The following ARID1B variants were observed in gnomAD, a reference collection of about 807,000 sequenced individuals.
ARID1B encodes AT-rich interaction domain 1B.
ARID1B carries 30 observed loss-of-function variants against 212.3 expected under a neutral mutation model. The observed-to-expected ratio is 0.14, with a 90% CI of 0.11 to 0.19. ARID1B has a LOEUF of 0.19. ARID1B is among the 10% of genes least tolerant of loss of function. The pLI, the probability that ARID1B is intolerant of heterozygous loss-of-function variation, is 1.00. For missense variants in ARID1B, 2,891 were observed against 3,204.0 expected, an observed-to-expected ratio of 0.90 and a Z score of 2.36; for synonymous variants, 1,402 against 1,301.7, an observed-to-expected ratio of 1.08 and a Z score of -1.66.
At chr6:156,907,312 T>C (rs1403632035) in intron 3 of ARID1B, among the ~76,000 whole-genome samples, 1 of 152,204 alleles carries the variant, frequency 6.6e-6, no homozygotes, top group South Asian at 2.1e-4. Context: ...TTTTCATGAG[T>C]GGATACTGAA....
intron 4 of ARID1B, among the ~76,000 whole-genome samples, chr6:157,012,087 A>G (rs975700674): frequency 1.3e-5 from 2 of 152,272 alleles, no homozygotes; most frequent in African/African-American, 4.8e-5. Context: ...AATTATGATA[A>G]GATGAACACA....
intron 3 of ARID1B, 35 bp downstream of exon 3, chr6:156,901,560 T>G: frequency 6.3e-7 from 1 of 1,597,368 alleles, no homozygotes; most frequent in Non-Finnish European, 8.5e-7. Flanking sequence ...GGGCCCTGTT[T>G]TCTCCACCAA....
rs370434034 is a variant in ARID1B at position 156,883,716 on chromosome 6, ACTT to A, written c.1987-17654_1987-17652del. Among the ~76,000 whole-genome samples, 75 of 151,920 alleles carry A rather than the reference ACTT, an allele frequency of 4.9e-4. No homozygotes were observed. The South Asian group carries it at 9.8e-3, about 20-fold the overall frequency. On this transcript the variant is annotated intron_variant, in intron 2 of 19. Transcript: ENST00000636930. ...TCACCTTTCCTTGCTTTGACTCTTG[ACTT>A]CTTCTGAGAGTTGCCGGCTCCTCTG...
chr6:157,038,373 T>A (rs918632648), intron 4 of ARID1B, among the ~76,000 whole-genome samples: 3 of 152,180 alleles, frequency 2.0e-5, no homozygotes, highest in East Asian at 3.8e-4. Flanking sequence ...ACCATTTTTT[T>A]ATCCTATATG....
chr6:156,796,223 A>G (rs548054115), intron 1 of ARID1B, among the ~76,000 whole-genome samples: 39 of 152,272 alleles, frequency 2.6e-4, no homozygotes, highest in Non-Finnish European at 5.0e-4. Flanking sequence ...ATGGTAATGT[A>G]TCACTATCAG....
chr6:157,043,868 T>C (rs1012477295), intron 4 of ARID1B, among the ~76,000 whole-genome samples: 1 of 152,260 alleles, frequency 6.6e-6, no homozygotes, highest in Non-Finnish European at 1.5e-5. Flanking sequence ...ACCTGGCTTA[T>C]CTTAAATATG....
rs567719662 is a variant in ARID1B, at chr6:156,893,045, CTTTTTTTTT to C, written c.1987-8324_1987-8316del. 5.5e-4 allele frequency among the ~76,000 whole-genome samples: 47 copies of C among 85,922 alleles called. 1 individual carries two copies. The highest frequency in any genetic ancestry group is 2.2e-3 in the African/African-American group (46 of 21,324). 56.4% of individuals were successfully genotyped at this position (85,922 alleles called of 152,430 possible). A position where few individuals can be genotyped will look rare whatever the true frequency, so the allele number is the denominator to read the frequency against. ...AACTCTTTTTTTTTCTTTTTTCTTC[CTTTTTTTTT>C]TTTTTTGAGATGGAGTCTTGCCCTG... On this transcript the variant is annotated intron_variant, in intron 2 of 19. Coordinates refer to ENST00000636930, the MANE Select transcript of ARID1B (RefSeq NM_001374828.1).
chr6:156,868,815 T>C (rs1257091053), intron 2 of ARID1B, among the ~76,000 whole-genome samples: 1 of 152,272 alleles, frequency 6.6e-6, no homozygotes. Context: ...AGAACTGTTT[T>C]AAATGTTTTT....
At chr6:157,189,946 T>C in intron 14 of ARID1B, 92 bp from the exon 15 acceptor site, 3 of 1,581,552 alleles carry the variant, frequency 1.9e-6, no homozygotes, top group Non-Finnish European at 2.6e-6. Context: ...TTTTTGCATT[T>C]GCACATTTCA....
At chr6:157,080,706 A>G (rs1366485148) in intron 4 of ARID1B, among the ~76,000 whole-genome samples, 1 of 152,204 alleles carries the variant, frequency 6.6e-6, no homozygotes, top group Admixed American at 6.5e-5. Context: ...ATTTCATTCT[A>G]AGCACAGTGA....
intron 2 of ARID1B, among the ~76,000 whole-genome samples, chr6:156,855,422 T>C (rs1313087766): frequency 2.0e-5 from 3 of 152,184 alleles, no homozygotes; most frequent in African/African-American, 7.2e-5. Flanking sequence ...CACAGACGCG[T>C]GGGATGCTGA....
chr6:157,039,816 T>C (rs1562569775), intron 4 of ARID1B, among the ~76,000 whole-genome samples: 1 of 137,308 alleles, frequency 7.3e-6, no homozygotes, highest in East Asian at 2.2e-4. Flanking sequence ...CTTTCTTTCT[T>C]TTTCTCTCTT....
chr6:156,963,012 A>G (rs958911179), intron 4 of ARID1B, among the ~76,000 whole-genome samples: 1 of 151,342 alleles, frequency 6.6e-6, no homozygotes, highest in African/African-American at 2.4e-5. Flanking sequence ...CTATCTCCTG[A>G]CCTCGTGATC....
At position 157,201,878 on chromosome 6, in the gene ARID1B, T is replaced by A. The variant is rs566281895; in HGVS notation, c.5263+390T>A. Among the ~76,000 whole-genome samples the A allele has an allele frequency of 7.6e-4, 116 of 152,342 alleles. No individual in the cohort carries two copies. The highest frequency in any genetic ancestry group is 1.2e-3 in the Non-Finnish European group (85 of 68,030). The stretch of plus-strand genomic sequence containing the variant: ...CAGGGAATCCTGAGTGGTTATATGC[T>A]GTATTTTGGGCTTAAAGATTTGAAC... On this transcript the variant is annotated intron_variant, in intron 18 of 19. Transcript: ENST00000636930. The surrounding 1 kb of genome is among the most constrained non-coding windows in gnomAD (Gnocchi z 5.2).
chr6:156,817,187 C>T (rs184379326), intron 1 of ARID1B, among the ~76,000 whole-genome samples: 42 of 151,814 alleles, frequency 2.8e-4, no homozygotes, highest in Admixed American at 2.6e-3. Flanking sequence ...GAGTTCAGAC[C>T]AGCCTGGGCA....
chr6:157,018,910 T>TG (rs779136966), intron 4 of ARID1B, among the ~76,000 whole-genome samples: 11 of 151,962 alleles, frequency 7.2e-5, no homozygotes, highest in Non-Finnish European at 1.3e-4. Flanking sequence ...AGGGAAGACT[T>TG]GGAAGCATGA....
At chr6:156,866,867 A>C (rs1415694871) in intron 2 of ARID1B, among the ~76,000 whole-genome samples, 1 of 152,210 alleles carries the variant, frequency 6.6e-6, no homozygotes, top group Non-Finnish European at 1.5e-5. Context: ...ACTACTTGGA[A>C]ACGTTGAAAA....
intron 9 of ARID1B, chr6:157,173,669 A>T (rs1791876180): frequency 5.8e-6 from 1 of 172,040 alleles, no homozygotes. Flanking sequence ...ACTCCTGATT[A>T]GTAATTTAAA....
intron 4 of ARID1B, among the ~76,000 whole-genome samples, chr6:156,956,503 G>A (rs1793992129): frequency 6.6e-6 from 1 of 152,132 alleles, no homozygotes; most frequent in Admixed American, 6.5e-5. Flanking sequence ...CCTTTCTGTG[G>A]TCAGTCCATA....
Sources: gnomAD v4.1 joint callset for allele counts (sites outside exome capture counted in the v4.1 genomes callset) on GRCh38, gnomAD v4.1.1 for gene constraint, Gnocchi (gnomAD v3.1) non-coding constraint, MANE v1.5 for transcripts, NCBI Gene and HGNC (gene_info 2026-07-23, HGNC 2026-07-21) for gene names.